Variants in NRXN3 observed in about 807,000 individuals in gnomAD.
NRXN3 encodes neurexin III.
NRXN3 carries 32 observed loss-of-function variants against 137.6 expected under a neutral mutation model. That is an observed-to-expected ratio of 0.23 (90% CI 0.18 to 0.31). The LOEUF (loss-of-function observed/expected upper bound fraction) is 0.31, where lower values mean the gene tolerates loss of function less well. NRXN3 is among the 10% of genes least tolerant of loss of function. The pLI is 1.00. For synonymous variants in NRXN3, 798 were observed against 784.5 expected (o/e 1.02, Z -0.29); for missense variants, 1,574 against 2,062.5 (o/e 0.76, Z 4.59).
intron 4 of NRXN3, among the ~76,000 whole-genome samples, chr14:78,599,532 A>G (rs61976086): frequency 0.039 from 5,917 of 152,286 alleles, 135 homozygotes; most frequent in Middle Eastern, 0.071. Context: ...CCAAACTTAC[A>G]TGCTTTGTCT....
At chr14:78,259,977 C>G (rs987377076) in intron 2 of NRXN3, among the ~76,000 whole-genome samples, 10 of 152,104 alleles carry the variant, frequency 6.6e-5, no homozygotes, top group Admixed American at 2.6e-4. Context: ...GCGATGGGAA[C>G]CAAGAAATGG....
At chr14:79,516,597 C>CA (rs1373132543) in intron 16 of NRXN3, among the ~76,000 whole-genome samples, 2 of 151,558 alleles carry the variant, frequency 1.3e-5, no homozygotes, top group South Asian at 2.1e-4. Flanking sequence ...AAGATGATTG[C>CA]AAAAAAAATT....
chr14:78,449,088 C>T (rs1007092855), intron 4 of NRXN3, among the ~76,000 whole-genome samples: 3 of 152,190 alleles, frequency 2.0e-5, no homozygotes, highest in Admixed American at 6.5e-5. Context: ...TCCTTTATTC[C>T]TCATTCCCTC....
chr14:79,275,911 AATT>A (rs767789171), intron 15 of NRXN3, among the ~76,000 whole-genome samples: 43 of 152,106 alleles, frequency 2.8e-4, no homozygotes, highest in Non-Finnish European at 5.1e-4. Flanking sequence ...GTTCCTGTGA[AATT>A]ATTTATATTT....
Position 78,709,660 on chromosome 14 carries a change from G to A in NRXN3, c.1660+5G>A. On this transcript the variant is annotated splice_donor_5th_base_variant and intron_variant, in intron 7 of 20. Coordinates refer to ENST00000335750, the MANE Select transcript of NRXN3 (RefSeq NM_001330195.2). ...TTCAGCGAGATGGCAGATCAGGTAG[G>A]AAGAGGCAGGATGTGTGACTGAGAC... 2 of 1,605,506 alleles carry A rather than the reference G, an allele frequency of 1.2e-6. No homozygotes were observed. The highest frequency in any genetic ancestry group is 1.7e-6 in the Non-Finnish European group (2 of 1,176,514).
chr14:78,351,086 T>C (rs1345498952), intron 4 of NRXN3, among the ~76,000 whole-genome samples: 1 of 152,218 alleles, frequency 6.6e-6, no homozygotes, highest in African/African-American at 2.4e-5. Context: ...GACTTTCCTA[T>C]GTTAGTCTCA....
intron 15 of NRXN3, among the ~76,000 whole-genome samples, chr14:79,407,735 G>A (rs1462389883): frequency 6.6e-6 from 1 of 152,092 alleles, no homozygotes; most frequent in Admixed American, 6.6e-5. Flanking sequence ...ACTCATTCTT[G>A]GTGAGTACTG....
chr14:78,832,117 C>T (rs145340277), intron 10 of NRXN3, among the ~76,000 whole-genome samples: 1 of 151,970 alleles, frequency 6.6e-6, no homozygotes, highest in Non-Finnish European at 1.5e-5. Flanking sequence ...ACGAATGGAA[C>T]TCAGCTGTGG....
intron 16 of NRXN3, among the ~76,000 whole-genome samples, chr14:79,556,870 T>C (rs1884941959): frequency 6.6e-6 from 1 of 152,180 alleles, no homozygotes; most frequent in African/African-American, 2.4e-5. Flanking sequence ...AGCCATGTCT[T>C]TTGGTCCAAC....
At chr14:79,034,704 C>T (rs919719795) in intron 15 of NRXN3, among the ~76,000 whole-genome samples, 4 of 151,994 alleles carry the variant, frequency 2.6e-5, no homozygotes, top group African/African-American at 7.2e-5. Flanking sequence ...GTTTATTTTT[C>T]TGTGGGGTTT....
chr14:79,426,961 T>A (rs1445135349), intron 15 of NRXN3, among the ~76,000 whole-genome samples: 2 of 152,214 alleles, frequency 1.3e-5, no homozygotes, highest in Non-Finnish European at 2.9e-5. Flanking sequence ...TTCCAAAAAA[T>A]ATATATTTTA....
rs34025659 is a variant in NRXN3 at position 79,560,504 on chromosome 14, C to CTTTTTTTTTTTTTTTTTTTTTTTTTT, written c.3444+93126_3444+93127insTTTTTTTTTTTTTTTTTTTTTTTTTT. Among the ~76,000 whole-genome samples the CTTTTTTTTTTTTTTTTTTTTTTTTTT allele has an allele frequency of 1.1e-4, 5 of 43,768 alleles. 1 individual carries two copies. Among genetic ancestry groups the CTTTTTTTTTTTTTTTTTTTTTTTTTT allele is most frequent in the African/African-American group, 2.4e-4 (3 of 12,286 alleles). 28.7% of individuals were successfully genotyped at this position (43,768 alleles called of 152,430 possible). On this transcript the variant is annotated intron_variant, in intron 16 of 20. Coordinates refer to ENST00000335750, the MANE Select transcript of NRXN3 (RefSeq NM_001330195.2). The stretch of plus-strand genomic sequence containing the variant: ...AATTCTACAAGGACAAGATTGTAAG[C>CTTTTTTTTTTTTTTTTTTTTTTTTTT]TTTTTTTTTTTTTTTTTTTTTTTTG...
intron 19 of NRXN3, among the ~76,000 whole-genome samples, chr14:79,746,559 C>A (rs540052951): frequency 6.6e-6 from 1 of 152,248 alleles, no homozygotes; most frequent in African/African-American, 2.4e-5. Context: ...CATACTTTTT[C>A]AATCATACTA....
chr14:79,824,827 C>T (rs999538287), intron 20 of NRXN3, among the ~76,000 whole-genome samples: 6 of 152,156 alleles, frequency 3.9e-5, no homozygotes, highest in Non-Finnish European at 8.8e-5. Flanking sequence ...AAAACTGTAT[C>T]ATCATATGTA....
At chr14:79,109,057 A>G (rs914357520) in intron 15 of NRXN3, among the ~76,000 whole-genome samples, 2 of 152,206 alleles carry the variant, frequency 1.3e-5, no homozygotes, top group Non-Finnish European at 2.9e-5. Context: ...TACTATTTCA[A>G]TGTCCAAAGA....
At chr14:79,722,112 G>C (rs2098846695) in intron 19 of NRXN3, among the ~76,000 whole-genome samples, 1 of 152,010 alleles carries the variant, frequency 6.6e-6, no homozygotes, top group Admixed American at 6.6e-5. Context: ...TTATAGGATT[G>C]ATGTGAAGTT....
At chr14:79,301,189 T>C (rs943495580) in intron 15 of NRXN3, among the ~76,000 whole-genome samples, 10 of 152,092 alleles carry the variant, frequency 6.6e-5, no homozygotes, top group African/African-American at 2.2e-4. Context: ...GTTGGTGTCG[T>C]CATTGCAACA....
At chr14:78,834,245 G>A (rs2098990173) in intron 10 of NRXN3, among the ~76,000 whole-genome samples, 1 of 152,118 alleles carries the variant, frequency 6.6e-6, no homozygotes, top group Admixed American at 6.5e-5. Flanking sequence ...ATTCCGTTAT[G>A]TATTGCAAAG....
intron 15 of NRXN3, among the ~76,000 whole-genome samples, chr14:79,464,301 T>C (rs72690737): frequency 0.18 from 27,483 of 152,072 alleles, 2,675 homozygotes; most frequent in Non-Finnish European, 0.22. Context: ...GTTAGAATCA[T>C]CTAACATAGT....
Sources: allele counts gnomAD v4.1 joint callset (sites outside exome capture counted in the v4.1 genomes callset), GRCh38; gene constraint gnomAD v4.1.1; transcripts MANE v1.5; gene names NCBI Gene and HGNC (gene_info 2026-07-23, HGNC 2026-07-21).